Variants in ADAMTSL3 observed in about 807,000 individuals in gnomAD.
ADAMTSL3 encodes ADAMTS-like protein 3.
ADAMTSL3 carries 128 observed loss-of-function variants against 201.7 expected under a neutral mutation model. That is an observed-to-expected ratio of 0.63 (90% confidence interval 0.55 to 0.73). The LOEUF (loss-of-function observed/expected upper bound fraction) is 0.73. Among genes scored for constraint, ADAMTSL3 ranks in the 30% least tolerant of loss-of-function variants. The pLI, the probability that ADAMTSL3 is intolerant of heterozygous loss-of-function variation, is 0.00. For synonymous variants in ADAMTSL3, 738 were observed against 748.4 expected, an observed-to-expected ratio of 0.99 and a Z score of 0.23; for missense variants, 1,990 against 2,119.6, an observed-to-expected ratio of 0.94 and a Z score of 1.20.
At chr15:83,798,369 G>A (rs149903161) in intron 4 of ADAMTSL3, among the ~76,000 whole-genome samples, 101 of 152,300 alleles carry the variant, frequency 6.6e-4, no homozygotes, top group Middle Eastern at 6.8e-3. Context: ...ATATGTATTT[G>A]TGCATATATG....
chr15:83,934,900 A>G lies in ADAMTSL3; in HGVS notation c.2118-7696A>G, dbSNP rs946690214. 2.6e-5 allele frequency among the ~76,000 whole-genome samples: 4 copies of G among 152,218 alleles called. No individual in the cohort carries two copies. In the East Asian group the frequency reaches 5.8e-4, roughly 22 times the overall value. On this transcript the variant is annotated intron_variant, in intron 17 of 29. Transcript: ENST00000286744. ...ATGAAATCTTGTCTTTTGCAGCAAC[A>G]TGGATGCAACTGGAGGCCATTATCT...
In ADAMTSL3 at chr15:83,727,941, A is replaced by G. The variant is rs116332801; in HGVS notation, c.189+23433A>G. ...TTGCTTATTTTCTTGTGGATGATCTATCCAGTGCTGGAAGTGGGGTGCTGA... is the reference window on the plus strand; with the variant it reads ...TTGCTTATTTTCTTGTGGATGATCTGTCCAGTGCTGGAAGTGGGGTGCTGA... On this transcript the variant is annotated intron_variant, in intron 3 of 29. Transcript: ENST00000286744. 8.4e-3 allele frequency among the ~76,000 whole-genome samples: 1,276 copies of G among 152,054 alleles called. 17 individuals are homozygous for G. Among genetic ancestry groups the G allele is most frequent in the African/African-American group, 0.027 (1,128 of 41,532 alleles).
intron 8 of ADAMTSL3, among the ~76,000 whole-genome samples, chr15:83,863,679 A>G (rs959690520): frequency 2.6e-5 from 4 of 152,226 alleles, no homozygotes; most frequent in Non-Finnish European, 4.4e-5. Flanking sequence ...TCTAAAATTG[A>G]CACCCTCACA....
At chr15:84,008,687 T>C (rs959272775) in intron 23 of ADAMTSL3, among the ~76,000 whole-genome samples, 1 of 152,102 alleles carries the variant, frequency 6.6e-6, no homozygotes, top group African/African-American at 2.4e-5. Flanking sequence ...ACTGTTAAAT[T>C]TATATTTTCA....
chr15:83,973,017 A>G (rs1382251021), intron 20 of ADAMTSL3, among the ~76,000 whole-genome samples: 2 of 152,108 alleles, frequency 1.3e-5, no homozygotes, highest in Non-Finnish European at 2.9e-5. Flanking sequence ...CAGACCCTAC[A>G]AGACACTCTT....
At chr15:84,020,702 A>C (rs1353015959) in intron 25 of ADAMTSL3, among the ~76,000 whole-genome samples, 1 of 152,200 alleles carries the variant, frequency 6.6e-6, no homozygotes, top group Non-Finnish European at 1.5e-5. Context: ...CATCATCATC[A>C]TGTCCTACCT....
chr15:83,990,162 A>G (rs1412834458), intron 22 of ADAMTSL3, among the ~76,000 whole-genome samples: 1 of 152,170 alleles, frequency 6.6e-6, no homozygotes, highest in Admixed American at 6.5e-5. Flanking sequence ...AATGGGATTC[A>G]AACTGAAGTC....
At chr15:83,859,585 G>C (rs971051736) in intron 8 of ADAMTSL3, among the ~76,000 whole-genome samples, 7 of 152,134 alleles carry the variant, frequency 4.6e-5, no homozygotes, top group African/African-American at 1.7e-4. Flanking sequence ...CTATTACCTT[G>C]TTGCCTGTGA....
rs778049913 is a variant in ADAMTSL3 at position 83,983,014 on chromosome 15, C to T, written c.3386C>T (p.Ala1129Val). 5.6e-6 allele frequency: 9 copies of T among 1,614,122 alleles called. No homozygotes were observed. The East Asian group carries it at 1.3e-4, about 24-fold the overall frequency. The change falls in exon 21 of 30, where the codon GCC becomes GTC. Residue 1129 changes from alanine (A) to valine (V), a missense_variant. Coordinates refer to ENST00000286744, the MANE Select transcript of ADAMTSL3 (RefSeq NM_207517.3). The stretch of plus-strand genomic sequence containing the variant: ...ATATATCAGCTGGTGGCCGAATTAG[C>T]CAAGGCACAGCCAACACACATGCAG... ...QLIYQLVAEL[A>V]KAQPTHMQWR...
chr15:83,722,637 A>G (rs1031298842), intron 3 of ADAMTSL3, among the ~76,000 whole-genome samples: 1 of 152,196 alleles, frequency 6.6e-6, no homozygotes, highest in African/African-American at 2.4e-5. Flanking sequence ...TGAAGAAATT[A>G]TTCATGCAAG....
intron 26 of ADAMTSL3, among the ~76,000 whole-genome samples, chr15:84,024,462 G>C (rs939737033): frequency 6.6e-6 from 1 of 152,146 alleles, no homozygotes; most frequent in Non-Finnish European, 1.5e-5. Context: ...TGTACTTGTG[G>C]CCTATGTTTC....
intron 2 of ADAMTSL3, among the ~76,000 whole-genome samples, chr15:83,662,551 C>T (rs1252817227): frequency 2.7e-5 from 4 of 147,290 alleles, no homozygotes; most frequent in Non-Finnish European, 6.0e-5. Flanking sequence ...GCACATGTAC[C>T]CTAAAACTTA....
intron 7 of ADAMTSL3, among the ~76,000 whole-genome samples, chr15:83,851,497 T>C (rs1486095554): frequency 6.6e-6 from 1 of 152,224 alleles, no homozygotes; most frequent in Admixed American, 6.5e-5. Context: ...ACAGCCTACA[T>C]TCACAAAGAT....
At chr15:83,789,246 C>T (rs1182926776) in intron 4 of ADAMTSL3, among the ~76,000 whole-genome samples, 1 of 152,036 alleles carries the variant, frequency 6.6e-6, no homozygotes, top group Non-Finnish European at 1.5e-5. Context: ...AGTATTTTAT[C>T]TCTTTCTATA....
At chr15:83,959,783 A>G (rs556130517) in intron 19 of ADAMTSL3, among the ~76,000 whole-genome samples, 21 of 152,354 alleles carry the variant, frequency 1.4e-4, no homozygotes, top group Admixed American at 5.2e-4. Flanking sequence ...GGCACTGATT[A>G]TGACATCTCC....
intron 28 of ADAMTSL3, among the ~76,000 whole-genome samples, chr15:84,035,322 C>T (rs956186507): frequency 6.6e-6 from 1 of 152,172 alleles, no homozygotes; most frequent in Non-Finnish European, 1.5e-5. Flanking sequence ...AAAACTTGTG[C>T]ACAATAATTT....
chr15:83,787,015 T>C (rs1400002888), intron 4 of ADAMTSL3, among the ~76,000 whole-genome samples: 1 of 152,214 alleles, frequency 6.6e-6, no homozygotes, highest in Admixed American at 6.5e-5. Flanking sequence ...GTGTGCTCAC[T>C]ATCGCCTTGC....
At chr15:83,969,969 A>T (rs2067162287) in intron 19 of ADAMTSL3, among the ~76,000 whole-genome samples, 1 of 152,182 alleles carries the variant, frequency 6.6e-6, no homozygotes, top group Non-Finnish European at 1.5e-5. Flanking sequence ...TATGTCTGTT[A>T]CTCCGATTGT....
At position 83,858,829 on chromosome 15, in the gene ADAMTSL3, C is replaced by T. The variant is rs1474813854; in HGVS notation, c.791C>T (p.Pro264Leu). ...AGTGTGAGAATTACAGTGAAAGGAC[C>T]TGCCCACCTCTGTAAGTAGAATTTA... Reference protein sequence around the residue: ...SRSVRITVKGPAHLFIESKTL... With the variant: ...SRSVRITVKGLAHLFIESKTL... The change falls in exon 8 of 30, where the codon CCT becomes CTT. Residue 264 changes from proline (P) to leucine (L), a missense_variant. Coordinates refer to ENST00000286744, the MANE Select transcript of ADAMTSL3 (RefSeq NM_207517.3). The T allele has an allele frequency of 6.2e-7, 1 of 1,609,668 alleles. No individual in the cohort carries two copies. The highest frequency in any genetic ancestry group is 8.5e-7 in the Non-Finnish European group (1 of 1,176,708).
Sources: gnomAD v4.1 joint callset for allele counts (sites outside exome capture counted in the v4.1 genomes callset) on GRCh38, gnomAD v4.1.1 for gene constraint, MANE v1.5 for transcripts, NCBI Gene and HGNC (gene_info 2026-07-23, HGNC 2026-07-21) for gene names.